Variants in HLTF observed in about 807,000 individuals in gnomAD.
The protein encoded by HLTF is helicase like transcription factor.
In HLTF, 127 loss-of-function variants were observed where a neutral mutation model predicts 129.4. The observed-to-expected ratio is 0.98, with a 90% confidence interval of 0.85 to 1.14. The LOEUF is 1.14. Ranked by LOEUF, HLTF falls within the 50% of genes most tolerant of loss-of-function variation. The pLI is 0.00. For missense variants in HLTF, 1,139 were observed against 1,187.1 expected (o/e 0.96, Z 0.60); for synonymous variants, 332 against 388.8 (o/e 0.85, Z 1.72).
intron 3 of HLTF, among the ~76,000 whole-genome samples, chr3:149,074,741 C>G (rs1418436472): frequency 6.6e-6 from 1 of 152,028 alleles, no homozygotes; most frequent in Non-Finnish European, 1.5e-5. Flanking sequence ...CTAAGTTATT[C>G]TCAATAACTG....
At position 149,073,295 on chromosome 3, in the gene HLTF, C is replaced by T; in HGVS notation, c.557G>A (p.Trp186Ter). The T allele has an allele frequency of 6.2e-7, 1 of 1,612,202 alleles. No homozygotes were observed. Among genetic ancestry groups the T allele is most frequent in the Non-Finnish European group, 8.5e-7 (1 of 1,178,656 alleles). ...KTLGFNLESG[W>*]GSGRAGPSYS... The stretch of plus-strand genomic sequence containing the variant: ...GCTTGGTCCAGCTCTTCCAGAGCCC[C>T]AACCACTTTCCAAATTGAATCCTAA... The change falls in exon 5 of 25, where the codon TGG (tryptophan) becomes TAG (stop). Residue 186 changes from tryptophan (W) to a stop codon, truncating the protein, a stop_gained. Transcript: ENST00000310053. LOFTEE classifies it high-confidence loss of function.
rs1405984344 is a variant in HLTF at position 149,052,732 on chromosome 3, A to G, written c.1474-2357T>C. Among the ~76,000 whole-genome samples the G allele has an allele frequency of 2.6e-5, 4 of 152,336 alleles. No individual in the cohort carries two copies. In the East Asian group the frequency reaches 7.7e-4, roughly 29 times the overall value. On this transcript the variant is annotated intron_variant, in intron 14 of 24. Coordinates refer to ENST00000310053, the MANE Select transcript of HLTF (RefSeq NM_003071.4). ...TGAAAATGCAAAGAATTTCTTATAG[A>G]AATTTGGTAAAGAAGAAAAGGAAAT...
intron 22 of HLTF, 119 bp from the exon 23 acceptor site, chr3:149,039,348 T>C: frequency 1.3e-6 from 1 of 770,782 alleles, no homozygotes; most frequent in East Asian, 2.9e-5. Flanking sequence ...AACAAATGTT[T>C]ATTGAACACT....
chr3:149,039,718 T>C, intron 21 of HLTF, 25 bp from the exon 22 acceptor site: 2 of 1,165,108 alleles, frequency 1.7e-6, no homozygotes, highest in East Asian at 2.4e-5. Flanking sequence ...AAGATGTCCA[T>C]TAGATTCCAT....
At chr3:149,068,117 CAGAG>C (rs1296444344) in intron 8 of HLTF, 119 bp downstream of exon 8, 31 of 568,582 alleles carry the variant, frequency 5.5e-5, no homozygotes, top group Non-Finnish European at 9.5e-5. Flanking sequence ...ACATAAAAGA[CAGAG>C]AGACCATTCA....
At chr3:149,060,992 G>A (rs1717894792) in intron 10 of HLTF, 134 bp from the exon 11 acceptor site, 1 of 638,572 alleles carries the variant, frequency 1.6e-6, no homozygotes, top group Admixed American at 3.0e-5. Context: ...TAAAGATTTT[G>A]ACAAATGAAA....
At chr3:149,082,677 A>C (rs1269361757) in intron 2 of HLTF, among the ~76,000 whole-genome samples, 1 of 152,214 alleles carries the variant, frequency 6.6e-6, no homozygotes, top group Middle Eastern at 3.2e-3. Flanking sequence ...CATCTCAATA[A>C]AGTAGAAAAA....
intron 24 of HLTF, among the ~76,000 whole-genome samples, chr3:149,034,438 G>T (rs1576567709): frequency 6.6e-6 from 1 of 152,142 alleles, no homozygotes. Context: ...AGAGGAATGG[G>T]AAGTTATTAT....
chr3:149,051,553 C>T (rs557809287), intron 14 of HLTF, among the ~76,000 whole-genome samples: 1 of 152,218 alleles, frequency 6.6e-6, no homozygotes, highest in South Asian at 2.1e-4. Context: ...ACACATGATG[C>T]CTGGGGTATA....
chr3:149,035,745 C>G (rs1006947553), intron 23 of HLTF, among the ~76,000 whole-genome samples: 1 of 150,128 alleles, frequency 6.7e-6, no homozygotes, highest in Non-Finnish European at 1.5e-5. Flanking sequence ...TTTTCTGTAT[C>G]AGTATTTGAC....
chr3:149,039,649 AT>A lies in HLTF; in HGVS notation c.2546del (p.Asn849IlefsTer4). 2 of 1,608,328 alleles carry A rather than the reference AT, an allele frequency of 1.2e-6. No homozygotes were observed. The highest frequency in any genetic ancestry group is 1.7e-6 in the Non-Finnish European group (2 of 1,177,348). On this transcript the variant is annotated frameshift_variant, in exon 22 of 25. Coordinates refer to ENST00000310053, the MANE Select transcript of HLTF (RefSeq NM_003071.4). LOFTEE classifies it high-confidence loss of function. ...MHALTDLRKKNPNIKSLVVSQ... is the reference protein window; with the variant it reads ...MHALTDLRKKXPNIKSLVVSQ... The stretch of plus-strand genomic sequence containing the variant: ...AAACAACCAAACTTTTTATGTTGGG[AT>A]TCTTCTTTCTTAAGTCAGTCAATGC...
chr3:149,063,002 G>T (rs569216951), intron 10 of HLTF: 3 of 453,854 alleles, frequency 6.6e-6, no homozygotes, highest in African/African-American at 4.0e-5. Context: ...TCAAATAAAA[G>T]AATGTATTTG....
chr3:149,032,570 C>T (rs560828421), intron 24 of HLTF, among the ~76,000 whole-genome samples, 198 bp from the exon 25 acceptor site: 3 of 151,768 alleles, frequency 2.0e-5, no homozygotes, highest in South Asian at 2.1e-4. Context: ...TATGGCTGTA[C>T]GAATAGAAGT....
Position 149,075,988 on chromosome 3 carries a change from A to G in HLTF, c.288T>C (p.Asn96=). The change falls in exon 3 of 25, where the codon AAT becomes AAC. Residue 96 remains asparagine (N), a synonymous_variant. Transcript: ENST00000310053. Reference sequence around the variant, plus strand: ...CATTCACATTGTTTACTTTAATTGCATTCTTATCATAAGGGTTATTAGGAT... The same window carrying G: ...CATTCACATTGTTTACTTTAATTGCGTTCTTATCATAAGGGTTATTAGGAT... ...QRDPNNPYDK[N]AIKVNNVNGN... The G allele has an allele frequency of 1.9e-6, 3 of 1,560,518 alleles. No individual in the cohort carries two copies. The highest frequency in any genetic ancestry group is 2.6e-6 in the Non-Finnish European group (3 of 1,132,874).
intron 2 of HLTF, among the ~76,000 whole-genome samples, chr3:149,078,616 G>A (rs930427387): frequency 5.9e-5 from 9 of 152,090 alleles, no homozygotes; most frequent in Non-Finnish European, 1.0e-4. Flanking sequence ...CCAGCACTTT[G>A]GGAGGCCGAG....
At position 149,065,091 on chromosome 3, in the gene HLTF, A is replaced by T. The variant is rs991330404; in HGVS notation, c.991-225T>A. On this transcript the variant is annotated intron_variant, in intron 8 of 24. Coordinates refer to ENST00000310053, the MANE Select transcript of HLTF (RefSeq NM_003071.4). ...CAAAAAAAAAAAAATAAATAAAACT[A>T]CTTGGCCTTCACCTTTTCGAAAGGA... Among the ~76,000 whole-genome samples the T allele has an allele frequency of 2.0e-5, 3 of 152,168 alleles. No individual in the cohort carries two copies. In the South Asian group the frequency reaches 6.2e-4, roughly 31 times the overall value.
chr3:149,073,497 T>C (rs1719049534), intron 4 of HLTF, among the ~76,000 whole-genome samples, 175 bp from the exon 5 acceptor site: 1 of 152,152 alleles, frequency 6.6e-6, no homozygotes, highest in East Asian at 1.9e-4. Flanking sequence ...AGTTTGAGAC[T>C]AGCCTGGGCA....
Position 149,041,520 on chromosome 3 carries a change from G to C in HLTF, c.2346C>G (p.Pro782=), listed in dbSNP as rs374156872. 17 of 1,612,864 alleles carry C rather than the reference G, an allele frequency of 1.1e-5. No homozygotes were observed. Among genetic ancestry groups the C allele is most frequent in the African/African-American group, 2.7e-5 (2 of 74,864 alleles). ...CATTCTGAATGACTTGGCAAATACAGGGTTTACAAAATACATGTGCACAAT... is the reference window on the plus strand; with the variant it reads ...CATTCTGAATGACTTGGCAAATACACGGTTTACAAAATACATGTGCACAAT... ...ITHCAHVFCK[P]CICQVIQNEQ... The change falls in exon 20 of 25, where the codon CCC becomes CCG. Residue 782 remains proline, a synonymous_variant. Coordinates refer to ENST00000310053, the MANE Select transcript of HLTF (RefSeq NM_003071.4).
At chr3:149,074,166 C>A in intron 4 of HLTF, 49 bp downstream of exon 4, 1 of 1,544,716 alleles carries the variant, frequency 6.5e-7, no homozygotes, top group Non-Finnish European at 8.8e-7. Flanking sequence ...TTTCATAATC[C>A]CTGCATCTTA....
Sources: allele counts gnomAD v4.1 joint callset (sites outside exome capture counted in the v4.1 genomes callset), GRCh38; gene constraint gnomAD v4.1.1; transcripts MANE v1.5; gene names NCBI Gene and HGNC (gene_info 2026-07-23, HGNC 2026-07-21).